Variants in STS observed in about 807,000 individuals in gnomAD.
STS encodes the protein steroid sulfatase, also known as steryl-sulfatase.
STS carries 7 observed loss-of-function variants against 26.8 expected under a neutral mutation model. That is an observed-to-expected ratio of 0.26 (90% CI 0.15 to 0.49). The LOEUF (loss-of-function observed/expected upper bound fraction) is 0.49. Ranked by LOEUF, STS falls within the 20% of genes least tolerant of loss-of-function variation. The probability of loss-of-function intolerance (pLI) is 0.98; values close to 1 mark genes in which losing one functional copy is unlikely to be tolerated. For missense variants in STS, 434 were observed against 465.6 expected (o/e 0.93, Z 0.63); for synonymous variants, 199 against 189.4 (o/e 1.05, Z -0.42).
intron 7 of STS, among the ~76,000 whole-genome samples, chrX:7,279,795 G>C (rs746280388): frequency 9.1e-5 from 10 of 110,491 alleles, no homozygotes; most frequent in Admixed American, 5.8e-4. Flanking sequence ...AGGCTTCTTC[G>C]GTTTAGCATG....
At chrX:7,228,427 G>A (rs1232075730) in intron 2 of STS, among the ~76,000 whole-genome samples, 2 of 111,877 alleles carry the variant, frequency 1.8e-5, no homozygotes, top group Admixed American at 9.5e-5. Context: ...TCTGACAGGT[G>A]TGGAGTGATC....
chrX:7,324,323 A>G (rs1192809245), intron 8 of STS, among the ~76,000 whole-genome samples: 1 of 110,761 alleles, frequency 9.0e-6, no homozygotes, highest in African/African-American at 3.3e-5. Context: ...CTTATGATGC[A>G]GATGAAACCT....
chrX:7,279,196 G>A (rs1010868206), intron 7 of STS, among the ~76,000 whole-genome samples: 54 of 106,648 alleles, frequency 5.1e-4, no homozygotes, highest in Non-Finnish European at 9.5e-4. Context: ...CCCACCTACT[G>A]GGGAGGCTGA....
At chrX:7,275,377 A>T (rs1396126151) in intron 6 of STS, among the ~76,000 whole-genome samples, 1 of 111,601 alleles carries the variant, frequency 9.0e-6, no homozygotes, top group Admixed American at 9.5e-5. Context: ...CACATGGTAA[A>T]CATATATTAT....
chrX:7,172,749 A>G (rs1205977398), intron 1 of STS, among the ~76,000 whole-genome samples: 5 of 111,621 alleles, frequency 4.5e-5, no homozygotes, highest in African/African-American at 1.6e-4. Flanking sequence ...GGGAATATGC[A>G]ATAAACCACC....
At chrX:7,268,893 A>G (rs1490670080) in intron 6 of STS, among the ~76,000 whole-genome samples, 2 of 110,081 alleles carry the variant, frequency 1.8e-5, no homozygotes, top group African/African-American at 6.6e-5. Context: ...GTGTGCCTGT[A>G]GTCCCAGCTA....
chrX:7,304,179 T>G (rs1380362406), intron 7 of STS, among the ~76,000 whole-genome samples: 2 of 111,936 alleles, frequency 1.8e-5, no homozygotes, highest in African/African-American at 6.5e-5. Context: ...TTCCACTTCT[T>G]AAGTATCTGA....
intron 2 of STS, chrX:7,219,537 T>G (rs1363258231): frequency 1.7e-6 from 2 of 1,189,413 alleles, no homozygotes; most frequent in Non-Finnish European, 2.3e-6. Flanking sequence ...ATTGGCCTGC[T>G]TCAAAGCAGA....
At chrX:7,336,270 G>A (rs1055195098) in intron 10 of STS, among the ~76,000 whole-genome samples, 1 of 92,306 alleles carries the variant, frequency 1.1e-5, no homozygotes, top group Non-Finnish European at 2.1e-5. Context: ...GGAGGGGTGT[G>A]TAATAACCTC....
chrX:7,265,020 CTG>C (rs1923933505), intron 6 of STS, among the ~76,000 whole-genome samples: 1 of 66,186 alleles, frequency 1.5e-5, no homozygotes, highest in South Asian at 8.2e-4. Context: ...CCATTTTATT[CTG>C]TTTTTTTTTT....
chrX:7,269,552 A>G (rs940389567), intron 6 of STS, among the ~76,000 whole-genome samples: 6 of 110,188 alleles, frequency 5.4e-5, no homozygotes, highest in African/African-American at 2.0e-4. Context: ...AAGACAGCTT[A>G]GACTAGCTGT....
intron 1 of STS, among the ~76,000 whole-genome samples, chrX:7,163,497 C>T (rs1234165212): frequency 8.9e-6 from 1 of 112,068 alleles, no homozygotes; most frequent in Non-Finnish European, 1.9e-5. Flanking sequence ...TGGGTCTCAA[C>T]TTGTCACCTC....
At chrX:7,175,551 CTAT>C (rs1292644176) in intron 1 of STS, among the ~76,000 whole-genome samples, 1 of 111,228 alleles carries the variant, frequency 9.0e-6, no homozygotes, top group Non-Finnish European at 1.9e-5. Context: ...TCTACTCCAC[CTAT>C]AAAATGGGAA....
intron 1 of STS, among the ~76,000 whole-genome samples, chrX:7,162,377 GGAA>G (rs1933261851): frequency 9.0e-6 from 1 of 111,485 alleles, no homozygotes; most frequent in Non-Finnish European, 1.9e-5. Flanking sequence ...ATTATGAGAA[GGAA>G]GTGCAGGGCA....
chrX:7,153,717 GTCC>G (rs1262765624), intron 1 of STS, among the ~76,000 whole-genome samples: 2 of 46,011 alleles, frequency 4.3e-5, no homozygotes. Context: ...CTTTCTTCCT[GTCC>G]TCCTCCTCCT....
intron 7 of STS, among the ~76,000 whole-genome samples, chrX:7,295,855 A>G (rs756867635): frequency 1.8e-5 from 2 of 111,941 alleles, no homozygotes; most frequent in Non-Finnish European, 3.8e-5. Context: ...CAATCTGTCC[A>G]TGTTTTAATT....
At chrX:7,321,716 C>G (rs1429506638) in intron 8 of STS, among the ~76,000 whole-genome samples, 1 of 112,531 alleles carries the variant, frequency 8.9e-6, no homozygotes, top group Non-Finnish European at 1.9e-5. Flanking sequence ...ACTTAACTGT[C>G]TATTTAATGC....
In STS at chrX:7,350,278, G is replaced by T. The variant is rs931236130; in HGVS notation, c.*17G>T. The stretch of plus-strand genomic sequence containing the variant: ...AGCCGCTAGCAGCGCCTGGGGACCA[G>T]ACAGACGCATGTGGCAAAGCTCACC... On this transcript the variant is annotated 3_prime_UTR_variant, in exon 11 of 11. Coordinates refer to ENST00000674429, the MANE Select transcript of STS (RefSeq NM_001320752.2). The T allele has an allele frequency of 2.5e-6, 3 of 1,200,033 alleles. No homozygotes were observed. Among genetic ancestry groups the T allele is most frequent in the Non-Finnish European group, 3.4e-6 (3 of 890,863 alleles).
intron 2 of STS, among the ~76,000 whole-genome samples, chrX:7,252,929 T>C (rs1015753788): frequency 1.2e-4 from 13 of 111,602 alleles, no homozygotes; most frequent in Non-Finnish European, 2.3e-4. Flanking sequence ...GGCAGGAGGA[T>C]TGTTTGAGCC....
Sources: gnomAD v4.1 joint callset for allele counts (sites outside exome capture counted in the v4.1 genomes callset) on GRCh38, gnomAD v4.1.1 for gene constraint, MANE v1.5 for transcripts, NCBI Gene and HGNC (gene_info 2026-07-23, HGNC 2026-07-21) for gene names.